The following MEIS3 variants were observed in gnomAD, a reference collection of about 807,000 sequenced individuals.
MEIS3 encodes Meis homeobox 3.
MEIS3 carries 38 observed loss-of-function variants against 51.4 expected under a neutral mutation model. The observed-to-expected ratio is 0.74, with a 90% CI of 0.57 to 0.97. The LOEUF is 0.97. Ranked by LOEUF, MEIS3 falls within the 50% of genes least tolerant of loss-of-function variation. The probability of loss-of-function intolerance (pLI) is 0.00; values close to 1 mark genes in which losing one functional copy is unlikely to be tolerated. For synonymous variants in MEIS3, 198 were observed against 201.8 expected, an observed-to-expected ratio of 0.98 and a Z score of 0.16; for missense variants, 456 against 502.6, an observed-to-expected ratio of 0.91 and a Z score of 0.89.
intron 1 of MEIS3, chr19:47,418,505 C>G (rs1971572454): frequency 6.6e-6 from 1 of 152,324 alleles, no homozygotes; most frequent in Admixed American, 6.6e-5. Flanking sequence ...CCCAGGGAGA[C>G]AGGCTCCGTG....
intron 12 of MEIS3, among the ~76,000 whole-genome samples, chr19:47,404,022 C>T (rs992950842): frequency 3.3e-5 from 5 of 151,994 alleles, no homozygotes; most frequent in African/African-American, 4.8e-5. Flanking sequence ...GGGAACAAAG[C>T]GAGACCCGTC....
At chr19:47,403,581 C>A in intron 12 of MEIS3, 28 bp from the exon 13 acceptor site, 1 of 408,180 alleles carries the variant, frequency 2.4e-6, no homozygotes. Context: ...GAGGCCAAGT[C>A]AGGAGCGGGC....
intron 7 of MEIS3, 42 bp downstream of exon 7, chr19:47,409,394 G>T: frequency 1.9e-6 from 3 of 1,582,538 alleles, no homozygotes; most frequent in East Asian, 2.2e-5. Context: ...TCAATCCTCT[G>T]GTTGACTCCC....
upstream of MEIS3, among the ~76,000 whole-genome samples, chr19:47,421,150 C>T (rs890519488): frequency 6.6e-6 from 1 of 152,018 alleles, no homozygotes; most frequent in African/African-American, 2.4e-5. Context: ...AAGCGTCTTC[C>T]CTGCCCGGCT....
At chr19:47,413,422 G>T (rs1414104784) in intron 6 of MEIS3, among the ~76,000 whole-genome samples, 3 of 151,988 alleles carry the variant, frequency 2.0e-5, no homozygotes, top group Non-Finnish European at 4.4e-5. Context: ...ATGTCTCCGG[G>T]ACTGTGTCTG....
intron 11 of MEIS3, 89 bp downstream of exon 11, chr19:47,406,799 G>C (rs1327218336): frequency 8.1e-7 from 1 of 1,231,854 alleles, no homozygotes; most frequent in Non-Finnish European, 1.1e-6. Context: ...ACTGTATTCC[G>C]CTTGAATTGA....
At chr19:47,416,351 C>T in intron 4 of MEIS3, 1 of 382,212 alleles carries the variant, frequency 2.6e-6, no homozygotes, top group Non-Finnish European at 4.7e-6. Context: ...CAGCAGCCCT[C>T]CAAGACAGAC....
At chr19:47,412,664 C>T (rs1161836261) in intron 6 of MEIS3, among the ~76,000 whole-genome samples, 2 of 152,072 alleles carry the variant, frequency 1.3e-5, no homozygotes, top group African/African-American at 4.8e-5. Context: ...CGGGTTCAAG[C>T]AATTCTCCTG....
In MEIS3 at chr19:47,406,736, G is replaced by C. The variant is rs1970837052; in HGVS notation, c.1078+152C>G. ...AAATGAGGTTGTAAGGAAAAGATGGGGGACCAGGAAATCTGCCTTGGCATC... is the reference window on the plus strand; with the variant it reads ...AAATGAGGTTGTAAGGAAAAGATGGCGGACCAGGAAATCTGCCTTGGCATC... On this transcript the variant is annotated intron_variant, in intron 11 of 12. Coordinates refer to ENST00000558555, the MANE Select transcript of MEIS3 (RefSeq NM_001301059.2). The C allele has an allele frequency of 3.5e-6, 3 of 846,250 alleles. No individual in the cohort carries two copies. In the East Asian group the frequency reaches 8.0e-5, roughly 23 times the overall value. The allele number at this position is 846,250 out of a possible 1,614,324, so 52.4% of individuals were successfully genotyped here. A position where few individuals can be genotyped will look rare whatever the true frequency, so the allele number is the denominator to read the frequency against.
rs779178021 is a variant in MEIS3, at chr19:47,407,389, G to T, written c.898C>A (p.Gln300Lys). 6.2e-7 allele frequency: 1 copy of T among 1,613,684 alleles called. No individual in the cohort carries two copies. The highest frequency in any genetic ancestry group is 8.5e-7 in the Non-Finnish European group (1 of 1,179,884). Residue 300 changes from glutamine (Q) to lysine (K), a missense_variant, in exon 9 of 13, where the codon CAG becomes AAG. Coordinates refer to ENST00000558555, the MANE Select transcript of MEIS3 (RefSeq NM_001301059.2). ...TGCAGGATGGTGAGCCCCGTGTCCTGCGCCAGCTGTTTCTTCTGCTCCTCC... is the reference window on the plus strand; with the variant it reads ...TGCAGGATGGTGAGCCCCGTGTCCTTCGCCAGCTGTTTCTTCTGCTCCTCC... ...PSEEQKKQLA[Q>K]DTGLTILQVN... is the part of the protein sequence containing the mutation.
At chr19:47,417,702 G>A (rs774473960) in intron 1 of MEIS3, 1 of 701,698 alleles carries the variant, frequency 1.4e-6, no homozygotes, top group South Asian at 1.5e-5. Flanking sequence ...GAGATCCATG[G>A]ACACCTCCTG....
chr19:47,409,268 T>C, intron 7 of MEIS3, 21 bp from the exon 8 acceptor site: 1 of 1,600,290 alleles, frequency 6.2e-7, no homozygotes, highest in Non-Finnish European at 8.5e-7. Flanking sequence ...GCAGGCATGC[T>C]GTGTGTGTGG....
At position 47,417,493 on chromosome 19, in the gene MEIS3, G is replaced by A. The variant is rs1292980037; in HGVS notation, c.13-143C>T. ...CTGCCTGTGGTCCCCAGGTGTCTGA[G>A]CCCCCAAGCTTGAAGCCCTCCAGGT... On this transcript the variant is annotated intron_variant, in intron 1 of 12. Transcript: ENST00000558555. The A allele has an allele frequency of 1.9e-5, 20 of 1,058,254 alleles. 1 individual carries two copies. Among genetic ancestry groups the A allele is most frequent in the Non-Finnish European group, 2.8e-5 (20 of 702,844 alleles). The allele number at this position is 1,058,254 out of a possible 1,614,324, so 65.6% of individuals were successfully genotyped here.
intron 12 of MEIS3, among the ~76,000 whole-genome samples, chr19:47,403,905 G>A (rs1324951034): frequency 6.6e-6 from 1 of 151,950 alleles, no homozygotes; most frequent in Non-Finnish European, 1.5e-5. Context: ...TGGAGAGAGA[G>A]AAAGAGAGAC....
At chr19:47,407,014 C>G (rs1380735429) in intron 10 of MEIS3, 43 bp from the exon 11 acceptor site, 14 of 1,578,152 alleles carry the variant, frequency 8.9e-6, no homozygotes, top group Non-Finnish European at 1.1e-5. Flanking sequence ...CCCAGGAAGC[C>G]CGGGACCCGG....
intron 1 of MEIS3, chr19:47,417,744 A>T (rs927727388): frequency 3.0e-6 from 2 of 674,296 alleles, no homozygotes; most frequent in Non-Finnish European, 5.4e-6. Context: ...CACAAAGTAC[A>T]CATACGAAGC....
chr19:47,415,533 G>A (rs1462091966), intron 4 of MEIS3, among the ~76,000 whole-genome samples: 1 of 151,480 alleles, frequency 6.6e-6, no homozygotes, highest in Non-Finnish European at 1.5e-5. Context: ...AAGGATGGGA[G>A]AAGCTGGGTA....
chr19:47,411,924 G>C (rs1291907935), intron 6 of MEIS3, among the ~76,000 whole-genome samples: 1 of 150,934 alleles, frequency 6.6e-6, no homozygotes, highest in East Asian at 2.0e-4. Flanking sequence ...GCTCTCTGCA[G>C]CTTCAAACTC....
chr19:47,406,368 G>T, intron 12 of MEIS3, 92 bp downstream of exon 12: 1 of 1,035,588 alleles, frequency 9.7e-7, no homozygotes, highest in South Asian at 1.3e-5. Context: ...GACCCAGGCT[G>T]ACCCACTACT....
Sources: allele counts gnomAD v4.1 joint callset (sites outside exome capture counted in the v4.1 genomes callset), GRCh38; gene constraint gnomAD v4.1.1; transcripts MANE v1.5; gene names NCBI Gene and HGNC (gene_info 2026-07-23, HGNC 2026-07-21).